PODXL2: variants seen among roughly 807,000 people sequenced by gnomAD.
PODXL2 encodes the protein podocalyxin like 2.
A neutral mutation model predicts 53.4 loss-of-function variants in PODXL2; 17 were observed. The observed-to-expected ratio is 0.32, with a 90% CI of 0.22 to 0.48. PODXL2 has a LOEUF of 0.48. Among genes scored for constraint, PODXL2 ranks in the 20% least tolerant of loss-of-function variants. PODXL2 has a pLI of 0.99. For synonymous variants in PODXL2, 311 were observed against 306.7 expected (o/e 1.01, Z -0.15); for missense variants, 673 against 760.0 (o/e 0.89, Z 1.35).
At chr3:127,659,380 A>G (rs1050898737) in intron 2 of PODXL2, among the ~76,000 whole-genome samples, 1 of 152,200 alleles carries the variant, frequency 6.6e-6, no homozygotes, top group Non-Finnish European at 1.5e-5. Flanking sequence ...TCATTTTGAC[A>G]GTTAAAATTG....
At chr3:127,656,013 T>C (rs1341099467) in intron 2 of PODXL2, among the ~76,000 whole-genome samples, 7 of 152,230 alleles carry the variant, frequency 4.6e-5, no homozygotes. Context: ...CCCTGGTTTT[T>C]AGGAGGCAGA....
chr3:127,639,237 C>G lies in PODXL2; in HGVS notation c.71-8C>G. The G allele has an allele frequency of 6.3e-7, 1 of 1,583,630 alleles. No homozygotes were observed. Among genetic ancestry groups the G allele is most frequent in the Non-Finnish European group, 8.6e-7 (1 of 1,167,036 alleles). ...TCCCCTGACTGTCTGGCTTTTATGT[C>G]TGCACAGGAGCGTTCCTGGGTGCCT... is the stretch of plus-strand genomic sequence containing the variant. On this transcript the variant is annotated splice_polypyrimidine_tract_variant and splice_region_variant and intron_variant, in intron 1 of 7. Transcript: ENST00000342480.
intron 2 of PODXL2, among the ~76,000 whole-genome samples, chr3:127,651,807 A>G (rs1200265589): frequency 6.6e-6 from 1 of 152,220 alleles, no homozygotes; most frequent in Admixed American, 6.5e-5. Context: ...TCCTGATGCC[A>G]CTTCATCTTT....
chr3:127,671,497 G>C lies in PODXL2; in HGVS notation c.1489G>C (p.Asp497His), dbSNP rs756335983. ...CQARASQVRS[D>H]YGTLFVVLVV... ...GGCGCGGGCCAGCCAGGTGCGCAGC[G>C]ACTACGGCACGCTCTTCGTGGTGCT... The change falls in exon 7 of 8, where the codon GAC (aspartate) becomes CAC (histidine). Residue 497 changes from aspartate (D) to histidine (H), a missense_variant. Physicochemically the swap from Asp to His is moderately conservative, Grantham distance 81. Transcript: ENST00000342480. The C allele has an allele frequency of 6.2e-7, 1 of 1,614,126 alleles. No homozygotes were observed. The highest frequency in any genetic ancestry group is 8.5e-7 in the Non-Finnish European group (1 of 1,180,016).
At chr3:127,634,316 T>C (rs1386211831) in intron 1 of PODXL2, among the ~76,000 whole-genome samples, 1 of 151,834 alleles carries the variant, frequency 6.6e-6, no homozygotes, top group Non-Finnish European at 1.5e-5. Flanking sequence ...TCCCTGCTAC[T>C]CGGGAGGCTG....
chr3:127,637,871 A>C (rs1258255712), intron 1 of PODXL2, among the ~76,000 whole-genome samples: 2 of 152,228 alleles, frequency 1.3e-5, no homozygotes, highest in Non-Finnish European at 2.9e-5. Context: ...GGCCAGTCAC[A>C]GTATTGGCAC....
Position 127,629,218 on chromosome 3 carries a change from C to T in PODXL2, c.-2C>T. On this transcript the variant is annotated 5_prime_UTR_variant, in exon 1 of 8. Transcript: ENST00000342480. The surrounding 1 kb of genome is among the most constrained non-coding windows in gnomAD (Gnocchi z 6.4). ...GCGGCTGCAGGCGGCGACGGCTACA[C>T]CATGGGCCGGCTGCTGCGGGCCGCC... 3 of 992,662 alleles carry T rather than the reference C, an allele frequency of 3.0e-6. No homozygotes were observed. The highest frequency in any genetic ancestry group is 4.5e-5 in the South Asian group (1 of 22,098). The allele number at this position is 992,662 out of a possible 1,614,324, so 61.5% of individuals were successfully genotyped here.
chr3:127,668,497 GC>G lies in PODXL2; in HGVS notation c.1267del (p.Arg423AlafsTer14). 1.3e-6 allele frequency: 2 copies of G among 1,496,508 alleles called. No individual in the cohort carries two copies. Among genetic ancestry groups the G allele is most frequent in the Non-Finnish European group, 1.8e-6 (2 of 1,123,078 alleles). The allele number at this position is 1,496,508 out of a possible 1,614,324, so 92.7% of individuals were successfully genotyped here. On this transcript the variant is annotated frameshift_variant, in exon 5 of 8. Transcript: ENST00000342480. LOFTEE classifies it high-confidence loss of function. ...QLLALVEEVLPRHGSGHHGAW... is the reference protein window; with the variant it reads ...QLLALVEEVLXRHGSGHHGAW... ...TCCTGGCCCTGGTGGAAGAGGTGCTGCCCCGCCATGGCAGTGGCCACCATGG... is the reference window on the plus strand; with the variant it reads ...TCCTGGCCCTGGTGGAAGAGGTGCTGCCCGCCATGGCAGTGGCCACCATGG...
chr3:127,669,912 C>T (rs2074821201), intron 6 of PODXL2, among the ~76,000 whole-genome samples: 1 of 152,256 alleles, frequency 6.6e-6, no homozygotes, highest in Non-Finnish European at 1.5e-5. Flanking sequence ...TTCTTGAGGA[C>T]AGCCACCATC....
At chr3:127,659,815 C>G (rs1043367271) in intron 2 of PODXL2, among the ~76,000 whole-genome samples, 1 of 152,048 alleles carries the variant, frequency 6.6e-6, no homozygotes, top group Non-Finnish European at 1.5e-5. Context: ...CTCTCTGGCT[C>G]TCCCTACATC....
At chr3:127,667,144 T>C (rs1202745474) in intron 4 of PODXL2, among the ~76,000 whole-genome samples, 1 of 152,266 alleles carries the variant, frequency 6.6e-6, no homozygotes. Context: ...GTTGGCTGGC[T>C]ATTAGACCAG....
At chr3:127,650,551 A>G (rs2074681948) in intron 2 of PODXL2, among the ~76,000 whole-genome samples, 1 of 152,164 alleles carries the variant, frequency 6.6e-6, no homozygotes, top group Non-Finnish European at 1.5e-5. Context: ...AATTAGTCTC[A>G]AGTTAGTGAA....
At chr3:127,649,511 C>T (rs2074675892) in intron 2 of PODXL2, among the ~76,000 whole-genome samples, 1 of 152,222 alleles carries the variant, frequency 6.6e-6, no homozygotes, top group Non-Finnish European at 1.5e-5. Context: ...CCTTCCCATC[C>T]CTCACCCTTC....
intron 2 of PODXL2, among the ~76,000 whole-genome samples, chr3:127,643,795 C>A (rs1438873620): frequency 6.6e-6 from 1 of 151,954 alleles, no homozygotes; most frequent in Admixed American, 6.6e-5. Context: ...TACCCCACCA[C>A]GCCTGGTTAA....
chr3:127,640,353 A>G (rs62264119), intron 2 of PODXL2, among the ~76,000 whole-genome samples: 3,341 of 152,340 alleles, frequency 0.022, 55 homozygotes, highest in Admixed American at 0.051. Flanking sequence ...TTTTCTAATT[A>G]TAAAAGAACA....
intron 2 of PODXL2, among the ~76,000 whole-genome samples, chr3:127,648,279 G>A (rs752580080): frequency 6.6e-6 from 1 of 152,178 alleles, no homozygotes; most frequent in Non-Finnish European, 1.5e-5. Context: ...CAGACCGACC[G>A]AGCAGCTGTC....
chr3:127,671,953 C>T (rs1269512906), intron 7 of PODXL2, among the ~76,000 whole-genome samples: 1 of 152,208 alleles, frequency 6.6e-6, no homozygotes, highest in Non-Finnish European at 1.5e-5. Context: ...GGAGAGGCTC[C>T]AGCAGCCTAG....
At chr3:127,671,818 GCTAGCCCCACCAGGGGGCCCCTCC>G (rs544291270) in intron 7 of PODXL2, among the ~76,000 whole-genome samples, 2 of 152,306 alleles carry the variant, frequency 1.3e-5, no homozygotes, top group South Asian at 2.1e-4. Context: ...TGAGGGGGCT[GCTAGCCCCACCAGGGGGCCCCTCC>G]CTGGCACCAC....
intron 6 of PODXL2, among the ~76,000 whole-genome samples, chr3:127,670,484 G>A (rs537019733): frequency 2.6e-5 from 4 of 152,304 alleles, no homozygotes; most frequent in South Asian, 2.1e-4. Flanking sequence ...GTATTCTGGC[G>A]TTACTGGTCA....
Sources: allele counts gnomAD v4.1 joint callset (sites outside exome capture counted in the v4.1 genomes callset), GRCh38; gene constraint gnomAD v4.1.1; non-coding constraint Gnocchi (gnomAD v3.1); transcripts MANE v1.5; gene names NCBI Gene and HGNC (gene_info 2026-07-23, HGNC 2026-07-21).